The following B4GALT1 variants were observed in gnomAD, a reference collection of about 807,000 sequenced individuals.
B4GALT1 encodes the protein N-acetyllactosamine synthase.
A neutral mutation model predicts 34.9 loss-of-function variants in B4GALT1; 16 were observed. That is an observed-to-expected ratio of 0.46 (90% CI 0.31 to 0.70). B4GALT1 has a LOEUF of 0.70. B4GALT1 is among the 30% of genes least tolerant of loss of function. The pLI is 0.05. For missense variants in B4GALT1, 445 were observed against 530.5 expected (o/e 0.84, Z 1.58); for synonymous variants, 221 against 218.1 (o/e 1.01, Z -0.12).
upstream of B4GALT1, among the ~76,000 whole-genome samples, chr9:33,171,563 C>CT (rs1406984294): frequency 6.1e-5 from 9 of 148,636 alleles, no homozygotes; most frequent in South Asian, 2.1e-4. Context: ...CTTGTTTTTA[C>CT]TTTTTTTTTT....
chr9:33,123,858 G>A (rs939290980), intron 2 of B4GALT1, among the ~76,000 whole-genome samples: 4 of 152,318 alleles, frequency 2.6e-5, no homozygotes, highest in East Asian at 1.9e-4. Context: ...TTCACCGCCC[G>A]GGGTGCCACG....
intron 1 of B4GALT1, 144 bp from the exon 2 acceptor site, chr9:33,135,568 C>T: frequency 1.3e-6 from 1 of 784,088 alleles, no homozygotes; most frequent in South Asian, 1.5e-5. Flanking sequence ...AGAGGGCCCT[C>T]CTGCCCAGCA....
At chr9:33,183,769 A>G in the B4GALT1 span, among the ~76,000 whole-genome samples, 3 of 151,778 alleles carry the variant, frequency 2.0e-5, no homozygotes, top group African/African-American at 7.3e-5. Flanking sequence ...GTACCCTAAA[A>G]CTTAAAGTAT....
upstream of B4GALT1, among the ~76,000 whole-genome samples, chr9:33,170,368 T>G (rs190994824): frequency 2.7e-3 from 404 of 152,262 alleles, 1 homozygote; most frequent in African/African-American, 8.8e-3. Context: ...GAACGTAAAG[T>G]GGAGTTCTCC....
chr9:33,174,983 AAAAAAAAATATATAT>A, the B4GALT1 span, among the ~76,000 whole-genome samples: 3 of 38,620 alleles, frequency 7.8e-5, no homozygotes, highest in Non-Finnish European at 1.7e-4. Context: ...AAAAAAAAAA[AAAAAAAAATATATAT>A]ATATATATAT....
intron 1 of B4GALT1, among the ~76,000 whole-genome samples, chr9:33,165,778 G>T (rs1270633871): frequency 6.6e-6 from 1 of 152,214 alleles, no homozygotes; most frequent in Non-Finnish European, 1.5e-5. Context: ...CTGTGGGCCT[G>T]TAGGTTACAG....
chr9:33,167,402 G>C, upstream of B4GALT1: 1 of 408,774 alleles, frequency 2.4e-6, no homozygotes, highest in Non-Finnish European at 4.1e-6. Context: ...GGCGGGGGCG[G>C]GGCCGGGCGC....
chr9:33,179,021 G>A, the B4GALT1 span: 1 of 152,164 alleles, frequency 6.6e-6, no homozygotes, highest in Non-Finnish European at 1.5e-5. Context: ...TTTTTCACAT[G>A]GCACAAGATG....
intron 1 of B4GALT1, among the ~76,000 whole-genome samples, chr9:33,137,902 A>C (rs1427291327): frequency 6.6e-6 from 1 of 152,220 alleles, no homozygotes; most frequent in Non-Finnish European, 1.5e-5. Context: ...GCCCTGCTGC[A>C]CAGTGAACTT....
At chr9:33,167,584 G>A (rs549937326), upstream of B4GALT1, among the ~76,000 whole-genome samples, 6 of 152,348 alleles carry the variant, frequency 3.9e-5, no homozygotes, top group East Asian at 9.6e-4. Context: ...GAGCCTTTGC[G>A]GCGGAGCTTC....
chr9:33,127,410 A>T (rs1263064252), intron 2 of B4GALT1, among the ~76,000 whole-genome samples: 1 of 152,252 alleles, frequency 6.6e-6, no homozygotes, highest in African/African-American at 2.4e-5. Context: ...TTTAAGATAC[A>T]AGTTGGAGAA....
At chr9:33,163,437 C>A (rs939929422) in intron 1 of B4GALT1, among the ~76,000 whole-genome samples, 1 of 152,192 alleles carries the variant, frequency 6.6e-6, no homozygotes, top group South Asian at 2.1e-4. Context: ...TGGGCAAGAG[C>A]GGCCTCTGAG....
chr9:33,122,734 C>T (rs770771810), intron 2 of B4GALT1, among the ~76,000 whole-genome samples: 17 of 152,146 alleles, frequency 1.1e-4, no homozygotes, highest in Non-Finnish European at 2.2e-4. Flanking sequence ...GTTTTCTAAC[C>T]CCGCGTGGTG....
At chr9:33,173,130 A>G in the B4GALT1 span, among the ~76,000 whole-genome samples, 2 of 152,038 alleles carry the variant, frequency 1.3e-5, no homozygotes, top group Non-Finnish European at 2.9e-5. Flanking sequence ...ATGGTCGGGC[A>G]TGGTGGCTCA....
intron 1 of B4GALT1, among the ~76,000 whole-genome samples, chr9:33,138,394 G>A (rs1840301905): frequency 6.6e-6 from 1 of 152,136 alleles, no homozygotes; most frequent in Non-Finnish European, 1.5e-5. Flanking sequence ...GCCCTGACGT[G>A]TCCAGTGACA....
intron 2 of B4GALT1, among the ~76,000 whole-genome samples, chr9:33,125,515 T>A (rs551828734): frequency 6.6e-6 from 1 of 152,222 alleles, no homozygotes; most frequent in Admixed American, 6.5e-5. Flanking sequence ...AGCTGTTGTA[T>A]GATTCCTATG....
At chr9:33,129,008 G>C (rs1402072539) in intron 2 of B4GALT1, among the ~76,000 whole-genome samples, 1 of 152,192 alleles carries the variant, frequency 6.6e-6, no homozygotes, top group Non-Finnish European at 1.5e-5. Context: ...GTGCACAGAA[G>C]AAAAGGAAAC....
At position 33,113,928 on chromosome 9, in the gene B4GALT1, G is replaced by A. The variant is rs1386599805; in HGVS notation, c.960-50C>T. On this transcript the variant is annotated intron_variant, in intron 4 of 5. Transcript: ENST00000379731. Reference sequence around the variant, plus strand: ...TTATCACAGAGCTGCCATACACTTGGCCTGAGAGCCCCGGCTGCAAGACTG... The same window carrying A: ...TTATCACAGAGCTGCCATACACTTGACCTGAGAGCCCCGGCTGCAAGACTG... 1.9e-6 allele frequency: 3 copies of A among 1,545,548 alleles called. No individual in the cohort carries two copies. The Admixed American group carries it at 5.0e-5, about 26-fold the overall frequency.
intron 1 of B4GALT1, among the ~76,000 whole-genome samples, chr9:33,160,755 C>T (rs1840662515): frequency 6.6e-6 from 1 of 151,866 alleles, no homozygotes; most frequent in Non-Finnish European, 1.5e-5. Context: ...AGCAAAAACC[C>T]TGTCTCAAAA....
Sources: gnomAD v4.1 joint callset for allele counts (sites outside exome capture counted in the v4.1 genomes callset) on GRCh38, gnomAD v4.1.1 for gene constraint, MANE v1.5 for transcripts, NCBI Gene and HGNC (gene_info 2026-07-23, HGNC 2026-07-21) for gene names.